The following MEGF11 variants were observed in gnomAD, a reference collection of about 807,000 sequenced individuals.
MEGF11 encodes the protein multiple EGF like domains 11.
Under a neutral mutation model 146.6 loss-of-function variants are expected in MEGF11, and 126 were observed. The ratio of observed to expected loss-of-function variants is 0.86; its 90% CI spans 0.74 to 1.00. MEGF11 has a LOEUF of 1.00. Ranked by LOEUF, MEGF11 falls within the 50% of genes least tolerant of loss-of-function variation. The probability of loss-of-function intolerance (pLI) is 0.00; values close to 1 mark genes in which losing one functional copy is unlikely to be tolerated. For synonymous variants in MEGF11, 532 were observed against 583.4 expected (o/e 0.91, Z 1.27); for missense variants, 1,509 against 1,521.2 (o/e 0.99, Z 0.13).
chr15:66,210,453 A>G (rs1319221089), intron 1 of MEGF11, among the ~76,000 whole-genome samples: 1 of 152,094 alleles, frequency 6.6e-6, no homozygotes, highest in African/African-American at 2.4e-5. Flanking sequence ...GGATTCTAGA[A>G]CCAGAGGAAC....
rs540136382 is a variant in MEGF11, at chr15:66,087,201, G to A, written c.394+7201C>T. Among the ~76,000 whole-genome samples the A allele has an allele frequency of 1.5e-4, 23 of 151,866 alleles. 1 individual carries two copies. The highest frequency in any genetic ancestry group is 4.8e-4 in the African/African-American group (20 of 41,454). On this transcript the variant is annotated intron_variant, in intron 5 of 25. Coordinates refer to ENST00000395614, the MANE Select transcript of MEGF11 (RefSeq NM_001385028.1). Reference sequence around the variant, plus strand: ...AATTACTAATAGACATAAGAAATGAGATAGACGGCAACACAATAATAGTGG... The same window carrying A: ...AATTACTAATAGACATAAGAAATGAAATAGACGGCAACACAATAATAGTGG...
chr15:66,233,988 C>T (rs964614993), intron 1 of MEGF11, among the ~76,000 whole-genome samples: 6 of 116,566 alleles, frequency 5.1e-5, no homozygotes, highest in African/African-American at 2.1e-4. Context: ...TTTGCTCTGT[C>T]ACCCAGGCTG....
chr15:65,977,883 C>A (rs1330447084), intron 7 of MEGF11, among the ~76,000 whole-genome samples: 1 of 152,176 alleles, frequency 6.6e-6, no homozygotes. Flanking sequence ...GTCTCTAGTG[C>A]CCACTCACAT....
intron 1 of MEGF11, among the ~76,000 whole-genome samples, chr15:66,171,499 C>T (rs1157558398): frequency 6.6e-6 from 1 of 152,076 alleles, no homozygotes; most frequent in East Asian, 1.9e-4. Context: ...GGGCTGGGGA[C>T]ATGGGTGGGG....
At chr15:65,941,172 T>C (rs1248703339) in intron 10 of MEGF11, among the ~76,000 whole-genome samples, 2 of 152,112 alleles carry the variant, frequency 1.3e-5, no homozygotes, top group Non-Finnish European at 2.9e-5. Context: ...TCCCAGCACT[T>C]TGGGAGGCTG....
intron 9 of MEGF11, among the ~76,000 whole-genome samples, chr15:65,964,052 C>T (rs1356069957): frequency 6.6e-6 from 1 of 152,234 alleles, no homozygotes; most frequent in African/African-American, 2.4e-5. Context: ...GGATGCTCCC[C>T]TGACCTTCAT....
At chr15:65,902,190 C>T (rs2078512009) in intron 24 of MEGF11, 1 of 152,248 alleles carries the variant, frequency 6.6e-6, no homozygotes, top group Non-Finnish European at 1.5e-5. Flanking sequence ...CTAAAAGAAC[C>T]TCGGCCAGTT....
chr15:66,112,128 A>G (rs561728299), intron 4 of MEGF11, among the ~76,000 whole-genome samples: 1 of 152,092 alleles, frequency 6.6e-6, no homozygotes, highest in African/African-American at 2.4e-5. Flanking sequence ...GCCATAATGG[A>G]GAATCAGCAG....
At chr15:66,087,810 T>C (rs1046179171) in intron 5 of MEGF11, among the ~76,000 whole-genome samples, 2 of 151,528 alleles carry the variant, frequency 1.3e-5, no homozygotes, top group African/African-American at 4.9e-5. Context: ...AGAAAGGAAA[T>C]AGCCAAGATC....
intron 9 of MEGF11, among the ~76,000 whole-genome samples, chr15:65,964,540 A>G (rs1234941883): frequency 2.0e-5 from 3 of 152,186 alleles, no homozygotes; most frequent in Non-Finnish European, 4.4e-5. Flanking sequence ...CAATGTGCTC[A>G]GAGCTTGTGG....
intron 3 of MEGF11, among the ~76,000 whole-genome samples, chr15:66,119,693 C>T (rs2087923509): frequency 6.6e-6 from 1 of 151,964 alleles, no homozygotes. Flanking sequence ...CCAACTCAGT[C>T]CCGGAGAGTA....
At chr15:66,061,845 C>T (rs1220659963) in intron 5 of MEGF11, among the ~76,000 whole-genome samples, 6 of 152,154 alleles carry the variant, frequency 3.9e-5, no homozygotes, top group Admixed American at 2.6e-4. Flanking sequence ...CTATGTGGCC[C>T]AGGTTGATAA....
At chr15:66,099,513 T>C (rs1435661388) in intron 4 of MEGF11, among the ~76,000 whole-genome samples, 1 of 152,124 alleles carries the variant, frequency 6.6e-6, no homozygotes, top group East Asian at 1.9e-4. Context: ...GTGGTGCCCT[T>C]GCTGATTTGT....
intron 10 of MEGF11, among the ~76,000 whole-genome samples, chr15:65,942,974 CTTTTTTTTTTTTTTTTT>C (rs58874869): frequency 4.2e-5 from 2 of 47,622 alleles, no homozygotes; most frequent in Non-Finnish European, 7.0e-5. Flanking sequence ...AACAACTTGG[CTTTTTTTTTTTTTTTTT>C]TTTTTTTTTT....
chr15:65,922,007 A>G (rs1009615757), intron 15 of MEGF11: 13 of 337,896 alleles, frequency 3.8e-5, no homozygotes, highest in Non-Finnish European at 7.2e-5. Flanking sequence ...CTCGGCACAG[A>G]CCACATGGTG....
At position 66,094,491 on chromosome 15, in the gene MEGF11, A is replaced by G. The variant is rs758533082; in HGVS notation, c.305T>C (p.Leu102Pro). The G allele has an allele frequency of 1.0e-5, 16 of 1,559,404 alleles. No individual in the cohort carries two copies. The highest frequency in any genetic ancestry group is 1.4e-5 in the Non-Finnish European group (16 of 1,151,298). Residue 102 changes from leucine to proline, a missense_variant, in exon 5 of 26, where the codon CTG becomes CCG. By Grantham distance (98) the Leu-to-Pro change is moderately conservative. Coordinates refer to ENST00000395614, the MANE Select transcript of MEGF11 (RefSeq NM_001385028.1). Reference sequence around the variant, plus strand: ...GCCGTGCACACACTCCTCCGTACACAGGGCTGAGGGGACATGGGGAGAGGG... The same window carrying G: ...GCCGTGCACACACTCCTCCGTACACGGGGCTGAGGGGACATGGGGAGAGGG... ...YYESGDFCIP[L>P]CTEECVHGRC... is the part of the protein sequence containing the mutation.
In MEGF11 at chr15:65,982,157, C is replaced by T; in HGVS notation, c.641+85G>A. ...ACTCCAGGCCCCGCCCCAGCCCCTC[C>T]ACCTCCTCTACCCTCCCCACCCAGG... is the stretch of plus-strand genomic sequence containing the variant. On this transcript the variant is annotated intron_variant, in intron 6 of 25. Coordinates refer to ENST00000395614, the MANE Select transcript of MEGF11 (RefSeq NM_001385028.1). This position sits in a 1 kb window ranked among gnomAD's most constrained non-coding sequence, Gnocchi z 5.6. 7.6e-7 allele frequency: 1 copy of T among 1,323,842 alleles called. No homozygotes were observed. Among genetic ancestry groups the T allele is most frequent in the Non-Finnish European group, 1.0e-6 (1 of 1,003,590 alleles). 82.0% of individuals were successfully genotyped at this position (1,323,842 alleles called of 1,614,324 possible).
chr15:65,972,836 T>C (rs1345183515), intron 7 of MEGF11, among the ~76,000 whole-genome samples: 1 of 151,964 alleles, frequency 6.6e-6, no homozygotes, highest in Non-Finnish European at 1.5e-5. Flanking sequence ...AAAGAATTAC[T>C]CAAGAAAGCT....
intron 5 of MEGF11, among the ~76,000 whole-genome samples, chr15:65,996,851 G>A (rs2141809196): frequency 6.6e-6 from 1 of 152,284 alleles, no homozygotes; most frequent in Non-Finnish European, 1.5e-5. Context: ...CTGGTCAGAT[G>A]GATAGCCTGG....
Sources: gnomAD v4.1 joint callset for allele counts (sites outside exome capture counted in the v4.1 genomes callset) on GRCh38, gnomAD v4.1.1 for gene constraint, Gnocchi (gnomAD v3.1) non-coding constraint, MANE v1.5 for transcripts, NCBI Gene and HGNC (gene_info 2026-07-23, HGNC 2026-07-21) for gene names.